The following CACHD1 variants were observed in gnomAD, a reference collection of about 807,000 sequenced individuals.
CACHD1 encodes VWFA and cache domain-containing protein 1.
A neutral mutation model predicts 138.7 loss-of-function variants in CACHD1; 71 were observed. That is an observed-to-expected ratio of 0.51 (90% CI 0.42 to 0.62). The LOEUF (loss-of-function observed/expected upper bound fraction) is 0.62, where lower values mean the gene tolerates loss of function less well. Ranked by LOEUF, CACHD1 falls within the 20% of genes least tolerant of loss-of-function variation. CACHD1 has a pLI of 0.00. For missense variants in CACHD1, 1,389 were observed against 1,625.3 expected, an observed-to-expected ratio of 0.85 and a Z score of 2.50; for synonymous variants, 578 against 591.5, an observed-to-expected ratio of 0.98 and a Z score of 0.33.
Position 64,666,037 on chromosome 1 carries a change from C to A in CACHD1, c.2277-20C>A. 7.4e-7 allele frequency: 1 copy of A among 1,343,188 alleles called. No homozygotes were observed. The highest frequency in any genetic ancestry group is 1.0e-6 in the Non-Finnish European group (1 of 957,046). 83.2% of individuals were successfully genotyped at this position (1,343,188 alleles called of 1,614,324 possible). A position where few individuals can be genotyped will look rare whatever the true frequency, so the allele number is the denominator to read the frequency against. Reference sequence around the variant, plus strand: ...ATAAATAAAAAATAAAATAACATGACTTTCTTTGGTCTCCATTAGGTATCT... The same window carrying A: ...ATAAATAAAAAATAAAATAACATGAATTTCTTTGGTCTCCATTAGGTATCT... On this transcript the variant is annotated intron_variant, in intron 15 of 26. Coordinates refer to ENST00000651257, the MANE Select transcript of CACHD1 (RefSeq NM_020925.4).
At chr1:64,667,478 G>GA (rs1220118131) in intron 16 of CACHD1, among the ~76,000 whole-genome samples, 1 of 152,156 alleles carries the variant, frequency 6.6e-6, no homozygotes, top group African/African-American at 2.4e-5. Flanking sequence ...GTATCTGTCT[G>GA]AATCTGTCAG....
intron 12 of CACHD1, among the ~76,000 whole-genome samples, chr1:64,655,138 A>G (rs992391677): frequency 4.6e-5 from 7 of 152,184 alleles, no homozygotes; most frequent in African/African-American, 1.7e-4. Flanking sequence ...GTGGTGACAC[A>G]TGCTTGTATT....
chr1:64,606,898 G>A (rs1234920592), intron 4 of CACHD1, among the ~76,000 whole-genome samples: 1 of 152,182 alleles, frequency 6.6e-6, no homozygotes, highest in African/African-American at 2.4e-5. Flanking sequence ...CAAGGAGAAG[G>A]ACAGAGTTGT....
At chr1:64,507,873 C>A (rs1174432181) in intron 1 of CACHD1, among the ~76,000 whole-genome samples, 1 of 152,182 alleles carries the variant, frequency 6.6e-6, no homozygotes, top group African/African-American at 2.4e-5. Flanking sequence ...ATCTTTAAAT[C>A]TTAAAGTAGA....
intron 25 of CACHD1, among the ~76,000 whole-genome samples, chr1:64,681,546 T>TGG (rs1557555774): frequency 2.5e-4 from 28 of 113,126 alleles, no homozygotes; most frequent in African/African-American, 7.2e-4. Context: ...ATTGTGTTTT[T>TGG]TTTTTTTTTT....
rs746548532 is a variant in CACHD1, at chr1:64,647,958, G to A, written c.1314G>A (p.Arg438=). Reference sequence around the variant, plus strand: ...GCAACCTGGAGACCACAGTGGGCAGGTTCTACACAAACCTTCCCAACCGGA... The same window carrying A: ...GCAACCTGGAGACCACAGTGGGCAGATTCTACACAAACCTTCCCAACCGGA... The part of the protein sequence containing the change: ...QLSNLETTVG[R]FYTNLPNRMI... Residue 438 remains arginine, a synonymous_variant, in exon 9 of 27, where the codon AGG becomes AGA. Coordinates refer to ENST00000651257, the MANE Select transcript of CACHD1 (RefSeq NM_020925.4). The A allele has an allele frequency of 8.1e-6, 13 of 1,613,974 alleles. No individual in the cohort carries two copies. Among genetic ancestry groups the A allele is most frequent in the South Asian group, 3.3e-5 (3 of 91,074 alleles).
At chr1:64,542,313 C>T (rs1646683211) in intron 1 of CACHD1, among the ~76,000 whole-genome samples, 1 of 152,152 alleles carries the variant, frequency 6.6e-6, no homozygotes, top group Non-Finnish European at 1.5e-5. Context: ...GTCACTGATG[C>T]ATTTTTTTTT....
intron 1 of CACHD1, among the ~76,000 whole-genome samples, chr1:64,500,186 T>C (rs916776234): frequency 6.6e-6 from 1 of 152,206 alleles, no homozygotes; most frequent in Non-Finnish European, 1.5e-5. Flanking sequence ...AGGTTACTTC[T>C]GATCAGCCCA....
chr1:64,635,926 A>G (rs1648510318), intron 7 of CACHD1, among the ~76,000 whole-genome samples: 1 of 151,818 alleles, frequency 6.6e-6, no homozygotes, highest in South Asian at 2.1e-4. Flanking sequence ...CCTGACCAAC[A>G]TGGTGAAACC....
intron 9 of CACHD1, among the ~76,000 whole-genome samples, chr1:64,649,081 T>C (rs565606451): frequency 1.3e-5 from 2 of 152,318 alleles, no homozygotes; most frequent in South Asian, 4.1e-4. Context: ...CTCTTACAAA[T>C]ACGGATTTTT....
At chr1:64,614,179 T>C (rs1647629289) in intron 4 of CACHD1, among the ~76,000 whole-genome samples, 1 of 152,376 alleles carries the variant, frequency 6.6e-6, no homozygotes, top group East Asian at 1.9e-4. Context: ...ACTAGACCCC[T>C]GGCTGGGCAT....
chr1:64,538,102 C>T (rs1385059337), intron 1 of CACHD1, among the ~76,000 whole-genome samples: 1 of 152,020 alleles, frequency 6.6e-6, no homozygotes, highest in Non-Finnish European at 1.5e-5. Context: ...GGGTTGTTAC[C>T]ATGGCATTCG....
intron 1 of CACHD1, among the ~76,000 whole-genome samples, chr1:64,487,644 T>A (rs988922282): frequency 1.3e-5 from 2 of 151,664 alleles, no homozygotes; most frequent in African/African-American, 4.9e-5. Flanking sequence ...AAAAAAAAAA[T>A]GTAACTGATT....
chr1:64,614,350 T>C (rs3862192), intron 4 of CACHD1, among the ~76,000 whole-genome samples: 24,863 of 152,146 alleles, frequency 0.16, 2,443 homozygotes, highest in African/African-American at 0.27. Flanking sequence ...TGCATTGTTC[T>C]TCTTATTTCA....
At chr1:64,640,261 G>C (rs985532088) in intron 7 of CACHD1, among the ~76,000 whole-genome samples, 9 of 152,230 alleles carry the variant, frequency 5.9e-5, no homozygotes, top group Admixed American at 3.9e-4. Flanking sequence ...GAGGTTGCCT[G>C]CCGCAGTCAC....
chr1:64,661,338 G>A (rs1306221997), intron 13 of CACHD1, among the ~76,000 whole-genome samples: 2 of 152,150 alleles, frequency 1.3e-5, no homozygotes, highest in Admixed American at 6.5e-5. Flanking sequence ...GTATATGTGT[G>A]TATAAATAAG....
chr1:64,615,616 T>A (rs1489726464), intron 4 of CACHD1, among the ~76,000 whole-genome samples: 2 of 152,192 alleles, frequency 1.3e-5, no homozygotes, highest in African/African-American at 4.8e-5. Flanking sequence ...CACTAGGATT[T>A]TTGTTGTGCT....
chr1:64,515,942 A>G (rs1166710302), intron 1 of CACHD1, among the ~76,000 whole-genome samples: 2 of 152,192 alleles, frequency 1.3e-5, no homozygotes, highest in Admixed American at 1.3e-4. Context: ...ACTTGAGATT[A>G]TCAGATACTT....
intron 1 of CACHD1, among the ~76,000 whole-genome samples, chr1:64,530,921 G>GT (rs551412909): frequency 0.016 from 695 of 43,864 alleles, 1 homozygote; most frequent in Admixed American, 0.024. Context: ...ACATTCCATC[G>GT]TGTTTTTTTT....
Sources: gnomAD v4.1 joint callset for allele counts (sites outside exome capture counted in the v4.1 genomes callset) on GRCh38, gnomAD v4.1.1 for gene constraint, MANE v1.5 for transcripts, NCBI Gene and HGNC (gene_info 2026-07-23, HGNC 2026-07-21) for gene names.